EEA1: variants seen among roughly 807,000 people sequenced by gnomAD.
EEA1 encodes the protein early endosome antigen 1, also known as early endosome antigen 1, 162kD.
In EEA1, 111 loss-of-function variants were observed where a neutral mutation model predicts 209.2. The ratio of observed to expected loss-of-function variants is 0.53; its 90% CI spans 0.45 to 0.62. The LOEUF (loss-of-function observed/expected upper bound fraction) is 0.62. Among genes scored for constraint, EEA1 ranks in the 20% least tolerant of loss-of-function variants. EEA1 has a pLI of 0.00. For missense variants in EEA1, 1,343 were observed against 1,530.8 expected, an observed-to-expected ratio of 0.88 and a Z score of 2.05; for synonymous variants, 536 against 540.6, an observed-to-expected ratio of 0.99 and a Z score of 0.12.
At chr12:92,788,875 T>TAA (rs1305349204) in intron 21 of EEA1, among the ~76,000 whole-genome samples, 1 of 152,178 alleles carries the variant, frequency 6.6e-6, no homozygotes, top group Non-Finnish European at 1.5e-5. Context: ...CTTCCTACCT[T>TAA]ACTGGTGATA....
At chr12:92,859,482 A>G (rs1343636165) in intron 3 of EEA1, among the ~76,000 whole-genome samples, 1 of 152,154 alleles carries the variant, frequency 6.6e-6, no homozygotes, top group Non-Finnish European at 1.5e-5. Flanking sequence ...TTTATCAATA[A>G]TGAATTTAGT....
At chr12:92,864,438 C>T (rs1440216538) in intron 3 of EEA1, among the ~76,000 whole-genome samples, 3 of 151,862 alleles carry the variant, frequency 2.0e-5, no homozygotes, top group African/African-American at 4.8e-5. Flanking sequence ...ACAATGTGTA[C>T]GTATGCTTAT....
At chr12:92,873,955 T>C (rs879595253) in intron 2 of EEA1, among the ~76,000 whole-genome samples, 6 of 152,132 alleles carry the variant, frequency 3.9e-5, no homozygotes, top group Admixed American at 3.9e-4. Flanking sequence ...TTTTAACTGA[T>C]GAAAGAGTTG....
In EEA1 at chr12:92,775,374, TTTAA is replaced by T. The variant is rs929803361; in HGVS notation, c.*633_*636del. On this transcript the variant is annotated 3_prime_UTR_variant, in exon 29 of 29. Transcript: ENST00000322349. ...TTTTTATAAAATCCACCCAAGAAAA[TTTAA>T]TTAATATTGTTAAAACAAAAACCAT... 2.0e-5 allele frequency: 3 copies of T among 151,652 alleles called. No homozygotes were observed. Among genetic ancestry groups the T allele is most frequent in the Non-Finnish European group, 3.0e-5 (2 of 67,718 alleles). The allele number at this position is 151,652 out of a possible 1,614,324, so 9.4% of individuals were successfully genotyped here.
At chr12:92,825,708 ATTC>A (rs1876264106) in intron 13 of EEA1, among the ~76,000 whole-genome samples, 2 of 151,998 alleles carry the variant, frequency 1.3e-5, no homozygotes, top group East Asian at 3.9e-4. Flanking sequence ...AATACAAAAT[ATTC>A]TTCTTTACTG....
At chr12:92,865,643 T>C (rs1003735079) in intron 2 of EEA1, among the ~76,000 whole-genome samples, 1 of 152,114 alleles carries the variant, frequency 6.6e-6, no homozygotes, top group Admixed American at 6.5e-5. Flanking sequence ...TAAAGATCCA[T>C]GTTTTACAAA....
intron 13 of EEA1, among the ~76,000 whole-genome samples, chr12:92,822,376 A>G (rs922936294): frequency 2.0e-5 from 3 of 152,138 alleles, no homozygotes; most frequent in Non-Finnish European, 2.9e-5. Context: ...TCATTTACTC[A>G]TTAATCGACA....
At chr12:92,791,567 G>A (rs1051762108) in intron 21 of EEA1, among the ~76,000 whole-genome samples, 4 of 152,156 alleles carry the variant, frequency 2.6e-5, no homozygotes, top group Non-Finnish European at 5.9e-5. Flanking sequence ...TCAACAAGAA[G>A]AGCTAACTAT....
At chr12:92,884,989 T>G (rs1879320341) in intron 2 of EEA1, among the ~76,000 whole-genome samples, 1 of 151,144 alleles carries the variant, frequency 6.6e-6, no homozygotes, top group Admixed American at 6.6e-5. Context: ...AACATGCTGT[T>G]GATTGCTAAA....
intron 10 of EEA1, among the ~76,000 whole-genome samples, 165 bp from the exon 11 acceptor site, chr12:92,833,015 A>G (rs1249080101): frequency 2.0e-5 from 3 of 152,204 alleles, no homozygotes; most frequent in Non-Finnish European, 2.9e-5. Context: ...ATTACATACT[A>G]ACTTGTGATT....
At chr12:92,878,426 T>C (rs1490671275) in intron 2 of EEA1, among the ~76,000 whole-genome samples, 1 of 152,174 alleles carries the variant, frequency 6.6e-6, no homozygotes, top group African/African-American at 2.4e-5. Context: ...CTTCAATATC[T>C]GAGATTTTCT....
In EEA1 at chr12:92,852,160, T is replaced by C. The variant is rs375644380; in HGVS notation, c.642+15A>G. 9.1e-5 allele frequency: 142 copies of C among 1,566,564 alleles called. No homozygotes were observed. The highest frequency in any genetic ancestry group is 1.2e-4 in the Admixed American group (6 of 50,038). On this transcript the variant is annotated intron_variant, in intron 8 of 28. Coordinates refer to ENST00000322349, the MANE Select transcript of EEA1 (RefSeq NM_003566.4). ...AGGTATAAGAGTACATCTCAATAAA[T>C]AATTCCTAAATTACCAGTTCCGTCT...
chr12:92,838,521 G>A (rs900694476), intron 10 of EEA1, among the ~76,000 whole-genome samples: 12 of 152,118 alleles, frequency 7.9e-5, no homozygotes, highest in Admixed American at 3.9e-4. Flanking sequence ...TAAAAGGGGC[G>A]CAAGGATCTA....
At chr12:92,925,653 C>A (rs1337613576) in intron 1 of EEA1, among the ~76,000 whole-genome samples, 1 of 152,158 alleles carries the variant, frequency 6.6e-6, no homozygotes, top group African/African-American at 2.4e-5. Flanking sequence ...GTAAAATATT[C>A]AATACATACA....
intron 10 of EEA1, among the ~76,000 whole-genome samples, chr12:92,835,661 T>C (rs1049734595): frequency 4.6e-5 from 7 of 151,996 alleles, no homozygotes; most frequent in African/African-American, 1.7e-4. Flanking sequence ...TCTGCCCGCC[T>C]TGGCCTACCA....
In EEA1 at chr12:92,826,157, A is replaced by G; in HGVS notation, c.1524+9T>C. ...TGTTTACAAGGCTAATAACGCAACT[A>G]ATGTTTACCTGAGCTTCTCGAAGTT... On this transcript the variant is annotated intron_variant, in intron 13 of 28. Coordinates refer to ENST00000322349, the MANE Select transcript of EEA1 (RefSeq NM_003566.4). The G allele has an allele frequency of 1.2e-6, 2 of 1,612,342 alleles. No individual in the cohort carries two copies. The highest frequency in any genetic ancestry group is 8.5e-7 in the Non-Finnish European group (1 of 1,178,942).
At chr12:92,907,262 G>A (rs1880419241) in intron 1 of EEA1, among the ~76,000 whole-genome samples, 1 of 152,044 alleles carries the variant, frequency 6.6e-6, no homozygotes, top group Non-Finnish European at 1.5e-5. Context: ...CCAGACCTTT[G>A]CTGAGTTTCC....
At chr12:92,810,792 G>A (rs1875456381) in intron 17 of EEA1, among the ~76,000 whole-genome samples, 2 of 151,934 alleles carry the variant, frequency 1.3e-5, no homozygotes, top group African/African-American at 4.8e-5. Context: ...CATTCATATG[G>A]AGTTGTGTTA....
At chr12:92,883,276 T>A (rs7974986) in intron 2 of EEA1, among the ~76,000 whole-genome samples, 39,492 of 152,110 alleles carry the variant, frequency 0.26, 5,614 homozygotes, top group Non-Finnish European at 0.32. Context: ...TTCAATTGTT[T>A]AAGTTTCTTA....
Sources: gnomAD v4.1 joint callset for allele counts (sites outside exome capture counted in the v4.1 genomes callset) on GRCh38, gnomAD v4.1.1 for gene constraint, MANE v1.5 for transcripts, NCBI Gene and HGNC (gene_info 2026-07-23, HGNC 2026-07-21) for gene names.